Variants in PCDHA1 observed in about 807,000 individuals in gnomAD.
PCDHA1 encodes protocadherin alpha-1.
Under a neutral mutation model 61.3 loss-of-function variants are expected in PCDHA1, and 42 were observed. The observed-to-expected ratio is 0.69, with a 90% CI of 0.54 to 0.89. The LOEUF (loss-of-function observed/expected upper bound fraction) is 0.89, where lower values mean the gene tolerates loss of function less well. PCDHA1 is among the 40% of genes least tolerant of loss of function. The pLI, the probability that PCDHA1 is intolerant of heterozygous loss-of-function variation, is 0.00. For missense variants in PCDHA1, 1,256 were observed against 1,235.3 expected, an observed-to-expected ratio of 1.02 and a Z score of -0.25; for synonymous variants, 610 against 553.8, an observed-to-expected ratio of 1.10 and a Z score of -1.43.
intron 1 of PCDHA1, among the ~76,000 whole-genome samples, chr5:140,943,783 C>A (rs1388163068): frequency 1.3e-5 from 2 of 152,102 alleles, no homozygotes; most frequent in Non-Finnish European, 2.9e-5. Context: ...AGGAAGTGGT[C>A]CTTTATGCAA....
intron 1 of PCDHA1, chr5:140,805,546 G>A (rs1166204316): frequency 1.0e-6 from 1 of 983,054 alleles, no homozygotes; most frequent in Non-Finnish European, 1.2e-6. Flanking sequence ...ATAACTTTAT[G>A]GATATAGGAG....
intron 3 of PCDHA1, among the ~76,000 whole-genome samples, chr5:141,003,410 C>T (rs1282162216): frequency 1.3e-5 from 2 of 152,110 alleles, no homozygotes; most frequent in Non-Finnish European, 2.9e-5. Flanking sequence ...CTCCCGGGTT[C>T]GAGTGATTCT....
At chr5:140,818,443 C>T (rs1042756863) in intron 1 of PCDHA1, among the ~76,000 whole-genome samples, 1 of 152,150 alleles carries the variant, frequency 6.6e-6, no homozygotes, top group Non-Finnish European at 1.5e-5. Context: ...TGGGTACTGG[C>T]TAATGTCAAA....
chr5:140,868,134 T>C (rs1562613374), intron 1 of PCDHA1: 1 of 152,142 alleles, frequency 6.6e-6, no homozygotes, highest in Admixed American at 6.5e-5. Context: ...ATTTCTGTCA[T>C]ATCATTGATT....
chr5:140,863,361 C>T (rs1562578610), intron 1 of PCDHA1: 1 of 1,203,518 alleles, frequency 8.3e-7, no homozygotes. Flanking sequence ...CGCTGCGGTG[C>T]TTGGCGCAGC....
intron 1 of PCDHA1, among the ~76,000 whole-genome samples, chr5:140,798,420 A>G (rs1762325169): frequency 6.6e-6 from 1 of 152,214 alleles, no homozygotes; most frequent in Admixed American, 6.5e-5. Context: ...TAATTTGAAA[A>G]TATTAACATT....
chr5:140,883,668 A>G (rs782191858), intron 1 of PCDHA1: 16 of 1,613,456 alleles, frequency 9.9e-6, no homozygotes, highest in Non-Finnish European at 1.4e-5. Flanking sequence ...GTGAAGGAAA[A>G]CAATCCGCCG....
intron 1 of PCDHA1, among the ~76,000 whole-genome samples, chr5:140,952,915 G>GGCATGA (rs2094816103): frequency 6.6e-6 from 1 of 151,986 alleles, no homozygotes; most frequent in African/African-American, 2.4e-5. Flanking sequence ...CATCTTACAT[G>GGCATGA]GCATGAGCAG....
chr5:140,908,155 G>A (rs559304647), intron 1 of PCDHA1, among the ~76,000 whole-genome samples: 3 of 152,312 alleles, frequency 2.0e-5, no homozygotes, highest in East Asian at 3.9e-4. Flanking sequence ...TCCTAGGAAG[G>A]GGCTGTAGTG....
intron 3 of PCDHA1, among the ~76,000 whole-genome samples, chr5:140,998,370 G>A (rs1321470929): frequency 2.6e-5 from 4 of 152,106 alleles, no homozygotes; most frequent in Admixed American, 1.3e-4. Flanking sequence ...TGCACACACC[G>A]TCTCTAGAAA....
rs78358581 is a variant in PCDHA1 at position 140,924,264 on chromosome 5, T to G, written c.2395-54685T>G. 2.9e-3 allele frequency among the ~76,000 whole-genome samples: 442 copies of G among 152,342 alleles called. 1 individual carries two copies. Among genetic ancestry groups the G allele is most frequent in the African/African-American group, 0.01 (423 of 41,584 alleles). On this transcript the variant is annotated intron_variant, in intron 1 of 3. Coordinates refer to ENST00000504120, the MANE Select transcript of PCDHA1 (RefSeq NM_018900.4). Reference sequence around the variant, plus strand: ...TGCATCCTGGTGAGATCTAATGAGGTCTGTACTTGTGACTACCTAATAGGC... The same window carrying G: ...TGCATCCTGGTGAGATCTAATGAGGGCTGTACTTGTGACTACCTAATAGGC...
intron 1 of PCDHA1, chr5:140,869,678 T>A: frequency 1.9e-6 from 3 of 1,613,496 alleles, no homozygotes; most frequent in East Asian, 4.5e-5. Flanking sequence ...ATTAAAAGAC[T>A]GTCACTTATT....
chr5:140,857,100 T>G (rs782765383), intron 1 of PCDHA1: 1 of 1,597,740 alleles, frequency 6.3e-7, no homozygotes. Context: ...GAGGTGATTG[T>G]CACTTCTCTG....
chr5:140,852,149 G>T (rs940913819), intron 1 of PCDHA1: 1 of 867,026 alleles, frequency 1.2e-6, no homozygotes. Flanking sequence ...AGATCAGAAT[G>T]GCCTTGAGAA....
At chr5:140,938,508 A>G (rs1563167946) in intron 1 of PCDHA1, among the ~76,000 whole-genome samples, 1 of 152,046 alleles carries the variant, frequency 6.6e-6, no homozygotes, top group African/African-American at 2.4e-5. Context: ...AATTTATCAC[A>G]TATTTTCTGT....
intron 1 of PCDHA1, chr5:140,869,390 G>A: frequency 1.2e-6 from 2 of 1,614,230 alleles, no homozygotes; most frequent in Non-Finnish European, 1.7e-6. Flanking sequence ...GAGGAGCTGT[G>A]CGGGCAGAGC....
chr5:140,952,857 G>T (rs2094808262), intron 1 of PCDHA1, among the ~76,000 whole-genome samples: 1 of 152,120 alleles, frequency 6.6e-6, no homozygotes, highest in Non-Finnish European at 1.5e-5. Context: ...TTCTGGGGAG[G>T]CCTCAGGAAA....
intron 1 of PCDHA1, among the ~76,000 whole-genome samples, chr5:140,924,615 C>G (rs142536325): frequency 6.6e-6 from 1 of 152,150 alleles, no homozygotes; most frequent in African/African-American, 2.4e-5. Flanking sequence ...ATGCCAGGTG[C>G]GGTGGCATGG....
chr5:140,840,693 G>A (rs1776820788), intron 1 of PCDHA1, among the ~76,000 whole-genome samples: 1 of 152,026 alleles, frequency 6.6e-6, no homozygotes, highest in Non-Finnish European at 1.5e-5. Flanking sequence ...AAATAAAACG[G>A]TTCAGGCAAT....
Sources: allele counts gnomAD v4.1 joint callset (sites outside exome capture counted in the v4.1 genomes callset), GRCh38; gene constraint gnomAD v4.1.1; transcripts MANE v1.5; gene names NCBI Gene and HGNC (gene_info 2026-07-23, HGNC 2026-07-21).